Variants in TMEFF2 observed in about 807,000 individuals in gnomAD.
TMEFF2 encodes the protein transmembrane protein with EGF like and two follistatin like domains 2.
TMEFF2 carries 28 observed loss-of-function variants against 53.8 expected under a neutral mutation model. That is an observed-to-expected ratio of 0.52 (90% CI 0.39 to 0.71). The LOEUF is 0.71. Among genes scored for constraint, TMEFF2 ranks in the 30% least tolerant of loss-of-function variants. The pLI, the probability that TMEFF2 is intolerant of heterozygous loss-of-function variation, is 0.00. For synonymous variants in TMEFF2, 162 were observed against 166.3 expected (o/e 0.97, Z 0.20); for missense variants, 353 against 455.2 (o/e 0.78, Z 2.04).
At chr2:192,132,022 C>G (rs571120395) in intron 4 of TMEFF2, among the ~76,000 whole-genome samples, 1 of 151,876 alleles carries the variant, frequency 6.6e-6, no homozygotes, top group African/African-American at 2.4e-5. Flanking sequence ...CTTTCCCTCC[C>G]GCCTGTCCCC....
chr2:192,168,150 C>T (rs1160084187), intron 4 of TMEFF2, among the ~76,000 whole-genome samples: 2 of 152,076 alleles, frequency 1.3e-5, no homozygotes, highest in South Asian at 4.1e-4. Context: ...AAGTCAAATG[C>T]TCAAAGAATT....
intron 3 of TMEFF2, 25 bp downstream of exon 3, chr2:192,184,329 G>C: frequency 6.2e-7 from 1 of 1,611,478 alleles, no homozygotes; most frequent in Non-Finnish European, 8.5e-7. Flanking sequence ...CATGCAGAAG[G>C]TTTCAAAGAA....
intron 5 of TMEFF2, among the ~76,000 whole-genome samples, chr2:192,002,195 T>C (rs1005031936): frequency 5.3e-5 from 8 of 152,114 alleles, no homozygotes; most frequent in Non-Finnish European, 1.2e-4. Context: ...AAGCCTTTCA[T>C]GGAATGGCTA....
rs545113618 is a variant in TMEFF2 at position 192,156,288 on chromosome 2, G to A, written c.439+23380C>T. 1.1e-4 allele frequency among the ~76,000 whole-genome samples: 16 copies of A among 151,886 alleles called. No individual in the cohort carries two copies. The South Asian group carries it at 1.2e-3, about 12-fold the overall frequency. On this transcript the variant is annotated intron_variant, in intron 4 of 9. Coordinates refer to ENST00000272771, the MANE Select transcript of TMEFF2 (RefSeq NM_016192.4). ...CATTTCATGAATGTTTATATGTACC[G>A]GATACTGTTCTAGGTACTACACATA...
rs571892229 is a variant in TMEFF2 at position 192,045,476 on chromosome 2, T to A, written c.536+12203A>T. On this transcript the variant is annotated intron_variant, in intron 5 of 9. Transcript: ENST00000272771. ...TGAAGATATTTGTGTCCCATGTAAA[T>A]ATTTACAAAAGGATAACCTCAGCAG... Among the ~76,000 whole-genome samples, 5 of 152,316 alleles carry A rather than the reference T, an allele frequency of 3.3e-5. No homozygotes were observed. In the South Asian group the frequency reaches 1.0e-3, roughly 32 times the overall value.
chr2:192,163,079 C>T (rs1256508920), intron 4 of TMEFF2, among the ~76,000 whole-genome samples: 1 of 152,172 alleles, frequency 6.6e-6, no homozygotes, highest in Non-Finnish European at 1.5e-5. Context: ...TATGGGTGGG[C>T]CTTGGGCTTT....
intron 5 of TMEFF2, among the ~76,000 whole-genome samples, chr2:192,000,835 A>C (rs1247471915): frequency 6.6e-6 from 1 of 152,236 alleles, no homozygotes; most frequent in Admixed American, 6.5e-5. Flanking sequence ...CTATTTAGGA[A>C]CAAATAGCTA....
chr2:192,012,931 G>A (rs911885627), intron 5 of TMEFF2, among the ~76,000 whole-genome samples: 2 of 152,058 alleles, frequency 1.3e-5, no homozygotes, highest in African/African-American at 4.8e-5. Flanking sequence ...CCACAATTAG[G>A]ATACTAAGAT....
At chr2:192,046,233 A>T (rs912104385) in intron 5 of TMEFF2, among the ~76,000 whole-genome samples, 1 of 152,092 alleles carries the variant, frequency 6.6e-6, no homozygotes, top group Non-Finnish European at 1.5e-5. Context: ...GGCATGTGGC[A>T]TGCACCTGTA....
chr2:192,096,432 AAG>A, intron 4 of TMEFF2, among the ~76,000 whole-genome samples: 1 of 152,162 alleles, frequency 6.6e-6, no homozygotes, highest in Admixed American at 6.6e-5. Context: ...TTCTACATAT[AAG>A]AGATATTCCT....
At chr2:191,992,315 AG>A (rs1316060593) in intron 7 of TMEFF2, among the ~76,000 whole-genome samples, 1 of 152,078 alleles carries the variant, frequency 6.6e-6, no homozygotes, top group Non-Finnish European at 1.5e-5. Context: ...AAATGGAAAA[AG>A]CTTCCATTTT....
intron 4 of TMEFF2, among the ~76,000 whole-genome samples, chr2:192,136,769 C>A (rs760697284): frequency 1.3e-5 from 2 of 152,076 alleles, no homozygotes; most frequent in Non-Finnish European, 2.9e-5. Context: ...TAATATTTGA[C>A]ACCTGTTTCC....
chr2:192,194,668 A>C lies in TMEFF2; in HGVS notation c.-144T>G. 1 of 821,464 alleles carries C rather than the reference A, an allele frequency of 1.2e-6. No homozygotes were observed. The highest frequency in any genetic ancestry group is 1.9e-6 in the Non-Finnish European group (1 of 518,838). 50.9% of individuals were successfully genotyped at this position (821,464 alleles called of 1,614,324 possible). A position where few individuals can be genotyped will look rare whatever the true frequency, so the allele number is the denominator to read the frequency against. ...CAGTGGCACCCGGCGGGGAAGCAGC[A>C]GCCAAACCCGCGCATGATCTCGAGA... On this transcript the variant is annotated 5_prime_UTR_variant, in exon 1 of 10. Transcript: ENST00000272771. The surrounding 1 kb of genome is among the most constrained non-coding windows in gnomAD (Gnocchi z 4.2).
Position 191,949,697 on chromosome 2 carries a change from T to C in TMEFF2, c.*614A>G, listed in dbSNP as rs577957728. ...AAACACTTTCCCTCCCCTTCTTCTT[T>C]TATTTAGTTTATATGCCAGAGATTT... On this transcript the variant is annotated 3_prime_UTR_variant, in exon 10 of 10. Transcript: ENST00000272771. 1.0e-6 allele frequency: 1 copy of C among 985,466 alleles called. No individual in the cohort carries two copies. Among genetic ancestry groups the C allele is most frequent in the Non-Finnish European group, 1.2e-6 (1 of 829,934 alleles). 61.0% of individuals were successfully genotyped at this position (985,466 alleles called of 1,614,324 possible).
chr2:192,052,816 T>C (rs1471881133), intron 5 of TMEFF2, among the ~76,000 whole-genome samples: 2 of 152,194 alleles, frequency 1.3e-5, no homozygotes, highest in Admixed American at 6.5e-5. Flanking sequence ...CACACAGGTG[T>C]TTCAGTTACT....
chr2:191,961,504 AT>A lies in TMEFF2; in HGVS notation c.746-5127del, dbSNP rs753691984. Among the ~76,000 whole-genome samples, 34 of 64,054 alleles carry A rather than the reference AT, an allele frequency of 5.3e-4. 1 individual carries two copies. Among genetic ancestry groups the A allele is most frequent in the Non-Finnish European group, 8.3e-4 (24 of 28,954 alleles). The allele number at this position is 64,054 out of a possible 152,430, so 42.0% of individuals were successfully genotyped here. On this transcript the variant is annotated intron_variant, in intron 7 of 9. Transcript: ENST00000272771. Reference sequence around the variant, plus strand: ...CTTACACACCTTTTGTAATTACTTAATTTTACCCTCCCCGACTTACTGCCAT... The same window carrying A: ...CTTACACACCTTTTGTAATTACTTAATTTACCCTCCCCGACTTACTGCCAT...
intron 7 of TMEFF2, among the ~76,000 whole-genome samples, chr2:191,976,409 TA>T: frequency 6.6e-6 from 1 of 152,296 alleles, no homozygotes; most frequent in East Asian, 1.9e-4. Context: ...TTCAAACGAA[TA>T]AAAAGGAACC....
At chr2:191,966,623 T>G (rs1692479843) in intron 7 of TMEFF2, among the ~76,000 whole-genome samples, 1 of 152,156 alleles carries the variant, frequency 6.6e-6, no homozygotes, top group African/African-American at 2.4e-5. Context: ...AGAAGGAAAC[T>G]TTTATTTAAA....
At chr2:192,119,027 T>G (rs1014275590) in intron 4 of TMEFF2, among the ~76,000 whole-genome samples, 2 of 152,182 alleles carry the variant, frequency 1.3e-5, no homozygotes, top group African/African-American at 4.8e-5. Context: ...ACATATTTAT[T>G]GTTTTGAATG....
Sources: allele counts gnomAD v4.1 joint callset (sites outside exome capture counted in the v4.1 genomes callset), GRCh38; gene constraint gnomAD v4.1.1; non-coding constraint Gnocchi (gnomAD v3.1); transcripts MANE v1.5; gene names NCBI Gene and HGNC (gene_info 2026-07-23, HGNC 2026-07-21).